SPPL3: variants seen among roughly 807,000 people sequenced by gnomAD.
SPPL3 encodes signal peptide peptidase-like 3.
In SPPL3, 5 loss-of-function variants were observed where a neutral mutation model predicts 42.4. The ratio of observed to expected loss-of-function variants is 0.12; its 90% CI spans 0.06 to 0.25. The LOEUF is 0.25. SPPL3 is among the 10% of genes least tolerant of loss of function. The pLI is 1.00. For synonymous variants in SPPL3, 195 were observed against 181.8 expected (o/e 1.07, Z -0.58); for missense variants, 235 against 489.0 (o/e 0.48, Z 4.90).
At chr12:120,808,273 A>C (rs1192217354) in intron 2 of SPPL3, among the ~76,000 whole-genome samples, 1 of 151,618 alleles carries the variant, frequency 6.6e-6, no homozygotes, top group African/African-American at 2.4e-5. Context: ...ATGGGGTTTC[A>C]CCATGTTGTC....
intron 1 of SPPL3, among the ~76,000 whole-genome samples, chr12:120,876,636 A>AAAAAG (rs1873103650): frequency 6.7e-6 from 1 of 149,658 alleles, no homozygotes; most frequent in African/African-American, 2.4e-5. Flanking sequence ...AAAAAAAAAA[A>AAAAAG]GAAGAAAGAA....
In SPPL3 at chr12:120,873,440, A is replaced by T. The variant is rs575455914; in HGVS notation, c.23+30405T>A. Among the ~76,000 whole-genome samples, 4 of 152,348 alleles carry T rather than the reference A, an allele frequency of 2.6e-5. No individual in the cohort carries two copies. In the South Asian group the frequency reaches 8.3e-4, roughly 32 times the overall value. On this transcript the variant is annotated intron_variant, in intron 1 of 10. Transcript: ENST00000353487. ...TGAAAACCATAAACTCACAGATCTA[A>T]GAAACTCAAAAAGCCCCAAACAAAA...
intron 1 of SPPL3, among the ~76,000 whole-genome samples, chr12:120,886,005 C>T (rs1005346758): frequency 1.3e-5 from 2 of 151,910 alleles, no homozygotes; most frequent in Non-Finnish European, 2.9e-5. Flanking sequence ...CAGGCATGTG[C>T]CACCATGCCC....
intron 4 of SPPL3, 128 bp from the exon 5 acceptor site, chr12:120,783,880 C>A: frequency 1.5e-6 from 1 of 680,862 alleles, no homozygotes; most frequent in South Asian, 2.5e-5. Context: ...AAAATGTCTT[C>A]CTTTAATACT....
chr12:120,860,145 G>C (rs1179142442), intron 1 of SPPL3, among the ~76,000 whole-genome samples: 1 of 152,176 alleles, frequency 6.6e-6, no homozygotes, highest in Non-Finnish European at 1.5e-5. Context: ...CTGGGCTGCA[G>C]TGAGCCATGA....
intron 1 of SPPL3, among the ~76,000 whole-genome samples, chr12:120,832,562 A>C (rs1175361128): frequency 6.6e-6 from 1 of 151,940 alleles, no homozygotes; most frequent in Non-Finnish European, 1.5e-5. Context: ...AATCCCAGCT[A>C]CTCGGGAGGC....
chr12:120,896,670 T>C (rs1269607973), intron 1 of SPPL3, among the ~76,000 whole-genome samples: 9 of 151,920 alleles, frequency 5.9e-5, no homozygotes, highest in Non-Finnish European at 8.8e-5. Flanking sequence ...TCCCAGATAC[T>C]TGGGAGGCTG....
intron 1 of SPPL3, among the ~76,000 whole-genome samples, chr12:120,817,604 C>T (rs1213984251): frequency 6.6e-6 from 1 of 152,246 alleles, no homozygotes; most frequent in East Asian, 1.9e-4. Context: ...AAATTCTTCC[C>T]TAGGGTCTTT....
intron 1 of SPPL3, among the ~76,000 whole-genome samples, chr12:120,815,838 C>T (rs1413942004): frequency 8.5e-5 from 13 of 152,104 alleles, no homozygotes; most frequent in Admixed American, 7.9e-4. Flanking sequence ...GCAAAATTCT[C>T]CTGCCTCAGC....
chr12:120,787,507 CCA>C (rs1869762269), intron 3 of SPPL3, among the ~76,000 whole-genome samples: 1 of 152,092 alleles, frequency 6.6e-6, no homozygotes, highest in African/African-American at 2.4e-5. Context: ...CTCTTGCCCT[CCA>C]CCCTCACTCC....
chr12:120,803,620 A>G (rs895740054), intron 2 of SPPL3, among the ~76,000 whole-genome samples: 11 of 152,176 alleles, frequency 7.2e-5, no homozygotes, highest in Admixed American at 6.5e-4. Flanking sequence ...AGTGAGTACA[A>G]TGAAGCGGGG....
chr12:120,813,930 G>A (rs1166345401), intron 1 of SPPL3, among the ~76,000 whole-genome samples: 2 of 152,140 alleles, frequency 1.3e-5, no homozygotes, highest in East Asian at 3.9e-4. Context: ...CCTCCAAGGA[G>A]CTGTGATCCA....
At chr12:120,800,918 A>G (rs1870274066) in intron 2 of SPPL3, among the ~76,000 whole-genome samples, 2 of 152,264 alleles carry the variant, frequency 1.3e-5, no homozygotes, top group East Asian at 3.8e-4. Flanking sequence ...TTTGATTCAC[A>G]GAAAAACTCC....
At chr12:120,777,255 G>A (rs1196475609) in intron 6 of SPPL3, among the ~76,000 whole-genome samples, 1 of 152,140 alleles carries the variant, frequency 6.6e-6, no homozygotes, top group African/African-American at 2.4e-5. Flanking sequence ...CACTGGACTA[G>A]GTAAGATTTA....
intron 1 of SPPL3, among the ~76,000 whole-genome samples, chr12:120,836,567 C>T (rs966945769): frequency 6.6e-6 from 1 of 151,992 alleles, no homozygotes; most frequent in South Asian, 2.1e-4. Context: ...AGCCCCTGCC[C>T]AAATGCAGAT....
intron 1 of SPPL3, among the ~76,000 whole-genome samples, chr12:120,821,344 C>T (rs560551041): frequency 2.6e-5 from 4 of 152,316 alleles, no homozygotes; most frequent in South Asian, 2.1e-4. Flanking sequence ...TTGTGACTTG[C>T]GCACACAACC....
chr12:120,829,741 TC>T (rs1443788822), intron 1 of SPPL3, among the ~76,000 whole-genome samples: 3 of 152,080 alleles, frequency 2.0e-5, no homozygotes, highest in Non-Finnish European at 4.4e-5. Context: ...ACACCTGCAA[TC>T]CCAGTACTTT....
At chr12:120,877,038 C>T (rs756233985) in intron 1 of SPPL3, among the ~76,000 whole-genome samples, 27 of 151,598 alleles carry the variant, frequency 1.8e-4, no homozygotes, top group African/African-American at 3.9e-4. Flanking sequence ...TCACAACAGA[C>T]GTTACAAACA....
intron 1 of SPPL3, among the ~76,000 whole-genome samples, chr12:120,838,035 A>T (rs993687986): frequency 6.6e-6 from 1 of 152,240 alleles, no homozygotes; most frequent in African/African-American, 2.4e-5. Flanking sequence ...TTCGTCTCAA[A>T]AAATAAAAAA....
Sources: allele counts gnomAD v4.1 joint callset (sites outside exome capture counted in the v4.1 genomes callset), GRCh38; gene constraint gnomAD v4.1.1; transcripts MANE v1.5; gene names NCBI Gene and HGNC (gene_info 2026-07-23, HGNC 2026-07-21).